MED23: variants seen among roughly 807,000 people sequenced by gnomAD.
The protein encoded by MED23 is mediator complex subunit 23.
A neutral mutation model predicts 163.9 loss-of-function variants in MED23; 105 were observed. The observed-to-expected ratio is 0.64, with a 90% CI of 0.55 to 0.75. The LOEUF (loss-of-function observed/expected upper bound fraction) is 0.75, where lower values mean the gene tolerates loss of function less well. MED23 is among the 30% of genes least tolerant of loss of function. The pLI, the probability that MED23 is intolerant of heterozygous loss-of-function variation, is 0.00. For missense variants in MED23, 1,054 were observed against 1,649.0 expected, an observed-to-expected ratio of 0.64 and a Z score of 6.25; for synonymous variants, 561 against 565.6, an observed-to-expected ratio of 0.99 and a Z score of 0.12.
At chr6:131,574,272 CT>C in exon 31 of MED23, 1 of 1,613,920 alleles carries the variant, frequency 6.2e-7, no homozygotes, top group Non-Finnish European at 8.5e-7. Context: ...ATTTGGAACC[CT>C]TGCTGTGTAC....
At chr6:131,601,552 C>T (rs949598177) in intron 17 of MED23, among the ~76,000 whole-genome samples, 9 of 152,148 alleles carry the variant, frequency 5.9e-5, no homozygotes, top group Non-Finnish European at 1.3e-4. Flanking sequence ...CATGTGATGT[C>T]AAAGAACATT....
intron 30 of MED23, among the ~76,000 whole-genome samples, chr6:131,577,896 T>G (rs1413616677): frequency 7.8e-6 from 1 of 128,806 alleles, no homozygotes; most frequent in Non-Finnish European, 1.6e-5. Flanking sequence ...AGAGCGAGAC[T>G]CCATCTCCAA....
At chr6:131,600,207 T>A (rs752701456) in intron 17 of MED23, 45 bp from the exon 18 acceptor site, 4 of 1,523,380 alleles carry the variant, frequency 2.6e-6, no homozygotes, top group Non-Finnish European at 3.6e-6. Flanking sequence ...AATGATTATA[T>A]CCACAATTCA....
At chr6:131,614,045 C>T (rs1029751413) in intron 10 of MED23, among the ~76,000 whole-genome samples, 12 of 152,118 alleles carry the variant, frequency 7.9e-5, no homozygotes, top group Non-Finnish European at 1.5e-5. Flanking sequence ...ATGAAGCATT[C>T]TTTCAAAGTT....
chr6:131,582,680 G>A (rs779060814), downstream of MED23: 45 of 1,613,720 alleles, frequency 2.8e-5, no homozygotes, highest in Admixed American at 5.0e-5. Context: ...AGGATATTGT[G>A]TATATTGGCT....
intron 27 of MED23, 102 bp downstream of exon 27, chr6:131,590,220 T>C (rs1315415178): frequency 3.6e-6 from 4 of 1,097,568 alleles, no homozygotes; most frequent in Middle Eastern, 2.3e-4. Context: ...CTAGTTTCAC[T>C]ACTAATGGTT....
At chr6:131,615,558 G>T (rs571409477) in intron 10 of MED23, 9 of 310,942 alleles carry the variant, frequency 2.9e-5, no homozygotes, top group Admixed American at 6.4e-5. Flanking sequence ...CCACGCTGAA[G>T]ATACCAAGGG....
At position 131,606,625 on chromosome 6, in the gene MED23, CTGAAAAATAACAATT is replaced by C. The variant is rs770172107; in HGVS notation, c.1222-16_1222-2del. On this transcript the variant is annotated splice_acceptor_variant and splice_polypyrimidine_tract_variant and intron_variant, in intron 12 of 28. Transcript: ENST00000368068. LOFTEE classifies it high-confidence loss of function. ...TGTTAATATCAGGAACTGGGATATACTGAAAAATAACAATTTGAAAAATAACACAATAGAAGAAAG... is the reference window on the plus strand; with the variant it reads ...TGTTAATATCAGGAACTGGGATATACTGAAAAATAACACAATAGAAGAAAG... 8.1e-6 allele frequency: 13 copies of C among 1,606,102 alleles called. No homozygotes were observed. In the Admixed American group the frequency reaches 2.2e-4, roughly 27 times the overall value.
chr6:131,596,373 C>A, intron 21 of MED23, 145 bp downstream of exon 21: 1 of 1,016,962 alleles, frequency 9.8e-7, no homozygotes, highest in Admixed American at 2.2e-5. Flanking sequence ...ACTCTCAAAC[C>A]TTGAAGAAGT....
chr6:131,622,443 C>T (rs1777180207), intron 5 of MED23, among the ~76,000 whole-genome samples: 1 of 152,140 alleles, frequency 6.6e-6, no homozygotes, highest in Non-Finnish European at 1.5e-5. Flanking sequence ...TCATCCATCA[C>T]ATACCTTAAT....
At chr6:131,603,302 T>C in intron 15 of MED23, 98 bp from the exon 16 acceptor site, 1 of 1,203,526 alleles carries the variant, frequency 8.3e-7, no homozygotes. Flanking sequence ...AAGATTTGAT[T>C]GTGAAAATAC....
At chr6:131,579,870 G>C (rs997613570) in intron 30 of MED23, among the ~76,000 whole-genome samples, 15 of 152,128 alleles carry the variant, frequency 9.9e-5, no homozygotes, top group African/African-American at 3.1e-4. Flanking sequence ...GAGAGAGAGA[G>C]AGAGAGACAG....
chr6:131,582,756 CCTTT>C, downstream of MED23: 1 of 1,563,886 alleles, frequency 6.4e-7, no homozygotes, highest in Non-Finnish European at 8.8e-7. Context: ...CATTTTTGTC[CCTTT>C]GTGTGCTAGA....
At chr6:131,605,906 G>T (rs1407338209) in intron 13 of MED23, among the ~76,000 whole-genome samples, 3 of 152,128 alleles carry the variant, frequency 2.0e-5, no homozygotes, top group African/African-American at 7.2e-5. Context: ...TATCAAGTCT[G>T]ACAATCCTGC....
chr6:131,576,779 C>T (rs1773633961), intron 30 of MED23: 2 of 1,541,832 alleles, frequency 1.3e-6, no homozygotes, highest in African/African-American at 2.7e-5. Context: ...TTCCTCCCCA[C>T]TCTGAAGGAA....
chr6:131,605,919 T>C (rs960310277), intron 13 of MED23, among the ~76,000 whole-genome samples: 1 of 152,128 alleles, frequency 6.6e-6, no homozygotes, highest in Non-Finnish European at 1.5e-5. Context: ...AATCCTGCCA[T>C]CTCCTGTGAA....
At chr6:131,576,803 G>C in intron 30 of MED23, 1 of 1,379,822 alleles carries the variant, frequency 7.2e-7, no homozygotes, top group Non-Finnish European at 1.0e-6. Flanking sequence ...GCAGGCCCCT[G>C]TGAACCTGGA....
At chr6:131,586,671 T>C (rs554267720), downstream of MED23, 2 of 1,232,998 alleles carry the variant, frequency 1.6e-6, no homozygotes, top group East Asian at 4.1e-5. Context: ...GAGTACCCCA[T>C]TTCCAACTGA....
chr6:131,624,703 T>C (rs960378759), intron 4 of MED23, among the ~76,000 whole-genome samples, 162 bp downstream of exon 4: 1 of 152,182 alleles, frequency 6.6e-6, no homozygotes, highest in Admixed American at 6.5e-5. Flanking sequence ...TCAAAGACTA[T>C]TACTCCTAGA....
Sources: allele counts gnomAD v4.1 joint callset (sites outside exome capture counted in the v4.1 genomes callset), GRCh38; gene constraint gnomAD v4.1.1; transcripts MANE v1.5; gene names NCBI Gene and HGNC (gene_info 2026-07-23, HGNC 2026-07-21).